Variants in PRIM2 observed in about 807,000 individuals in gnomAD.
PRIM2 encodes the protein DNA primase subunit 2.
Under a neutral mutation model 67.3 loss-of-function variants are expected in PRIM2, and 39 were observed. That is an observed-to-expected ratio of 0.58 (90% CI 0.45 to 0.76). The LOEUF (loss-of-function observed/expected upper bound fraction) is 0.76. PRIM2 is among the 30% of genes least tolerant of loss of function. PRIM2 has a pLI of 0.00. For missense variants in PRIM2, 398 were observed against 598.7 expected (o/e 0.66, Z 3.50); for synonymous variants, 143 against 198.7 (o/e 0.72, Z 2.36).
chr6:57,274,642 C>CAGTGAGTGGGT, the PRIM2 span, among the ~76,000 whole-genome samples: 1 of 152,214 alleles, frequency 6.6e-6, no homozygotes, highest in African/African-American at 2.4e-5. Flanking sequence ...GTCCTGCACC[C>CAGTGAGTGGGT]ACTCACTGTC....
intron 10 of PRIM2, among the ~76,000 whole-genome samples, chr6:57,577,574 G>A (rs1775986960): frequency 6.6e-6 from 1 of 151,860 alleles, no homozygotes; most frequent in Middle Eastern, 3.4e-3. Context: ...GATTACAGGC[G>A]CCCACCACCA....
intron 7 of PRIM2, among the ~76,000 whole-genome samples, chr6:57,479,553 C>T (rs1184354018): frequency 1.8e-4 from 27 of 152,156 alleles, no homozygotes; most frequent in Admixed American, 5.2e-4. Flanking sequence ...TTAAAAGCTA[C>T]GTTTTTAAGT....
chr6:57,418,383 GTTT>G (rs34491627), intron 7 of PRIM2, among the ~76,000 whole-genome samples: 4,012 of 47,192 alleles, frequency 0.085, 576 homozygotes, highest in Non-Finnish European at 0.12. Context: ...TATGTGTGTG[GTTT>G]TTTTTTTTTT....
intron 5 of PRIM2, among the ~76,000 whole-genome samples, chr6:57,337,518 C>CCACA (rs1768298795): frequency 6.6e-6 from 1 of 151,784 alleles, no homozygotes; most frequent in Admixed American, 6.6e-5. Context: ...ATCTCTCAGA[C>CCACA]CACAGTGCAA....
At chr6:57,470,515 C>G (rs1242752963) in intron 7 of PRIM2, among the ~76,000 whole-genome samples, 1 of 133,720 alleles carries the variant, frequency 7.5e-6, no homozygotes, top group African/African-American at 2.8e-5. Context: ...TAGCTTCTCC[C>G]AAAGCTTAAG....
At chr6:57,643,163 TAATA>T (rs2127502476) in intron 13 of PRIM2, among the ~76,000 whole-genome samples, 1 of 152,332 alleles carries the variant, frequency 6.6e-6, no homozygotes, top group African/African-American at 2.4e-5. Flanking sequence ...CATTGAAGTC[TAATA>T]AATGTATTGC....
the PRIM2 span, among the ~76,000 whole-genome samples, chr6:57,287,063 A>G: frequency 5.9e-5 from 9 of 152,242 alleles, no homozygotes; most frequent in Non-Finnish European, 1.0e-4. Flanking sequence ...ATGAGATGCC[A>G]TCTCCTGCCT....
chr6:57,319,859 A>G (rs1037589125), intron 2 of PRIM2, among the ~76,000 whole-genome samples: 6 of 152,196 alleles, frequency 3.9e-5, no homozygotes, highest in Admixed American at 6.5e-5. Flanking sequence ...GTTTATGTTC[A>G]GGAGACAATT....
At chr6:57,380,368 C>T (rs146398983) in intron 6 of PRIM2, among the ~76,000 whole-genome samples, 39 of 152,154 alleles carry the variant, frequency 2.6e-4, no homozygotes, top group South Asian at 1.0e-3. Context: ...CCCCCTTTCG[C>T]TTCTCTTGAC....
chr6:57,447,929 T>C (rs5001502), intron 7 of PRIM2, among the ~76,000 whole-genome samples: 2 of 152,202 alleles, frequency 1.3e-5, no homozygotes, highest in Non-Finnish European at 2.9e-5. Context: ...GGTATTATCC[T>C]AATAGAGAGA....
In PRIM2 at chr6:57,327,110, A is replaced by G. The variant is rs998571840; in HGVS notation, c.459+1065A>G. Among the ~76,000 whole-genome samples the G allele has an allele frequency of 1.4e-4, 22 of 152,150 alleles. No homozygotes were observed. In the South Asian group the frequency reaches 2.9e-3, roughly 20 times the overall value. On this transcript the variant is annotated intron_variant, in intron 5 of 13. Transcript: ENST00000615550. ...GAGACGTAGTTTTGCCATGTTGGCC[A>G]GGGTGGTCTTGAACCCCCTGACCTC...
chr6:57,489,000 G>A (rs1293187382), intron 7 of PRIM2, among the ~76,000 whole-genome samples: 4 of 152,176 alleles, frequency 2.6e-5, no homozygotes, highest in African/African-American at 4.8e-5. Context: ...AGAGATATGC[G>A]CAGCACAACT....
intron 8 of PRIM2, among the ~76,000 whole-genome samples, chr6:57,525,965 T>G (rs1442250707): frequency 6.6e-6 from 1 of 152,214 alleles, no homozygotes; most frequent in African/African-American, 2.4e-5. Flanking sequence ...TTTGTTTTAG[T>G]AATTAGAATC....
intron 7 of PRIM2, among the ~76,000 whole-genome samples, chr6:57,438,300 A>G (rs1772081742): frequency 6.6e-6 from 1 of 152,210 alleles, no homozygotes; most frequent in African/African-American, 2.4e-5. Context: ...ACATACTTCA[A>G]GGAATTGTTA....
the PRIM2 span, among the ~76,000 whole-genome samples, chr6:57,223,412 T>C: frequency 6.6e-6 from 1 of 152,176 alleles, no homozygotes; most frequent in Non-Finnish European, 1.5e-5. Flanking sequence ...GCGTGTCCAT[T>C]TGTGAAAATT....
chr6:57,382,171 G>C lies in PRIM2; in HGVS notation c.693+3G>C, dbSNP rs4256440. ...CCAAACTGTCCAAGGCTTTGGCAGT[G>C]AGTATTTTACTTGATTTCTGTATCT... On this transcript the variant is annotated splice_donor_region_variant and intron_variant, in intron 7 of 13. Transcript: ENST00000615550. 12 of 1,611,676 alleles carry C rather than the reference G, an allele frequency of 7.4e-6. No homozygotes were observed. In the South Asian group the frequency reaches 1.3e-4, roughly 18 times the overall value.
At chr6:57,468,202 G>A (rs1405461235) in intron 7 of PRIM2, among the ~76,000 whole-genome samples, 1 of 152,160 alleles carries the variant, frequency 6.6e-6, no homozygotes, top group Non-Finnish European at 1.5e-5. Flanking sequence ...TCCTTGTCTT[G>A]CGCCGATTTT....
At chr6:57,586,372 G>A (rs1225885245) in intron 10 of PRIM2, among the ~76,000 whole-genome samples, 1 of 152,100 alleles carries the variant, frequency 6.6e-6, no homozygotes, top group African/African-American at 2.4e-5. Context: ...GAGAAATTAG[G>A]CTGAGAGGGG....
chr6:57,348,747 CTTT>C (rs67086940), intron 5 of PRIM2, among the ~76,000 whole-genome samples: 9 of 71,564 alleles, frequency 1.3e-4, no homozygotes, highest in Admixed American at 3.1e-4. Context: ...CCTTCCTGCC[CTTT>C]TTTTTTTTTT....
Sources: gnomAD v4.1 joint callset for allele counts (sites outside exome capture counted in the v4.1 genomes callset) on GRCh38, gnomAD v4.1.1 for gene constraint, MANE v1.5 for transcripts, NCBI Gene and HGNC (gene_info 2026-07-23, HGNC 2026-07-21) for gene names.